The following PDZD2 variants were observed in gnomAD, a reference collection of about 807,000 sequenced individuals.
PDZD2 encodes PDZ domain containing 2.
Under a neutral mutation model 220.7 loss-of-function variants are expected in PDZD2, and 90 were observed. The observed-to-expected ratio is 0.41, with a 90% CI of 0.34 to 0.49. The LOEUF (loss-of-function observed/expected upper bound fraction) is 0.49, where lower values mean the gene tolerates loss of function less well. PDZD2 is among the 20% of genes least tolerant of loss of function. The pLI, the probability that PDZD2 is intolerant of heterozygous loss-of-function variation, is 0.28. For synonymous variants in PDZD2, 1,375 were observed against 1,450.5 expected, an observed-to-expected ratio of 0.95 and a Z score of 1.18; for missense variants, 3,174 against 3,608.5, an observed-to-expected ratio of 0.88 and a Z score of 3.08.
At chr5:31,917,805 C>T (rs760603555) in intron 2 of PDZD2, among the ~76,000 whole-genome samples, 7 of 152,080 alleles carry the variant, frequency 4.6e-5, no homozygotes, top group Non-Finnish European at 1.0e-4. Flanking sequence ...TGCAATGGCG[C>T]GATCTCGGCT....
At chr5:31,727,455 C>T (rs938412291) in intron 1 of PDZD2, among the ~76,000 whole-genome samples, 1 of 152,100 alleles carries the variant, frequency 6.6e-6, no homozygotes, top group Non-Finnish European at 1.5e-5. Flanking sequence ...GCCTGTAATC[C>T]CAGCACTTTG....
intron 2 of PDZD2, among the ~76,000 whole-genome samples, chr5:31,958,864 G>A (rs1273514337): frequency 6.6e-6 from 1 of 152,138 alleles, no homozygotes. Flanking sequence ...CTGACCTCAA[G>A]CGATCCTCCT....
rs764683482 is a variant in PDZD2 at position 32,090,154 on chromosome 5, G to A, written c.6706G>A (p.Glu2236Lys). 7 of 1,613,910 alleles carry A rather than the reference G, an allele frequency of 4.3e-6. No homozygotes were observed. In the African/African-American group the frequency reaches 8.0e-5, roughly 18 times the overall value. Residue 2236 changes from glutamate (E) to lysine (K), a missense_variant, in exon 20 of 25, where the codon GAG (glutamate) becomes AAG (lysine). This residue lies in a region of PDZD2 where 631 missense variants were observed against 789.9 expected (regional missense o/e 0.80). Transcript: ENST00000438447. This position sits in a 1 kb window ranked among gnomAD's most constrained non-coding sequence, Gnocchi z 4.3. ...CCAGTTCTCAAGCCATTTTGGACGGGAGGGTCACCCCCCACACAGCCTGGG... is the reference window on the plus strand; with the variant it reads ...CCAGTTCTCAAGCCATTTTGGACGGAAGGGTCACCCCCCACACAGCCTGGG... ...PAQFSSHFGREGHPPHSLGRS... is the reference protein window; with the variant it reads ...PAQFSSHFGRKGHPPHSLGRS...
intron 2 of PDZD2, among the ~76,000 whole-genome samples, chr5:31,865,199 G>A (rs894195661): frequency 2.0e-4 from 30 of 152,230 alleles, no homozygotes; most frequent in African/African-American, 7.0e-4. Flanking sequence ...AATAGATTAT[G>A]AGTCCTGGGG....
chr5:32,010,024 T>C (rs1581267751), intron 5 of PDZD2, among the ~76,000 whole-genome samples: 1 of 145,630 alleles, frequency 6.9e-6, no homozygotes, highest in Non-Finnish European at 1.5e-5. Flanking sequence ...GAGGCGGAGG[T>C]TGCAATGAGC....
intron 1 of PDZD2, among the ~76,000 whole-genome samples, chr5:31,665,498 A>G (rs1745946603): frequency 6.6e-6 from 1 of 152,070 alleles, no homozygotes; most frequent in Admixed American, 6.6e-5. Context: ...CCCAAATCTC[A>G]TCTCAAATCG....
chr5:31,917,685 T>A (rs1345218878), intron 2 of PDZD2, among the ~76,000 whole-genome samples: 1 of 152,168 alleles, frequency 6.6e-6, no homozygotes, highest in Non-Finnish European at 1.5e-5. Flanking sequence ...GGGTAATTTA[T>A]AAAGAAAAGA....
intron 5 of PDZD2, 147 bp from the exon 6 acceptor site, chr5:32,010,183 C>T (rs1008806029): frequency 5.0e-6 from 3 of 596,196 alleles, no homozygotes; most frequent in Non-Finnish European, 9.0e-6. Context: ...CACCCCTGGC[C>T]TTTGAGGTAA....
intron 2 of PDZD2, among the ~76,000 whole-genome samples, chr5:31,891,402 G>T (rs910302391): frequency 6.6e-6 from 1 of 151,746 alleles, no homozygotes; most frequent in Non-Finnish European, 1.5e-5. Context: ...CCGCAACTTC[G>T]CCTCCCAGGT....
rs1390123882 is a variant in PDZD2 at position 31,761,168 on chromosome 5, C to T, written c.-360-37721C>T. Among the ~76,000 whole-genome samples, 5 of 151,934 alleles carry T rather than the reference C, an allele frequency of 3.3e-5. No homozygotes were observed. The East Asian group carries it at 5.8e-4, about 18-fold the overall frequency. The stretch of plus-strand genomic sequence containing the variant: ...AATATCAGGATGGAAAATTCAAATG[C>T]GATGTTGTAGGTTCTTCATTTAGGG... On this transcript the variant is annotated intron_variant, in intron 1 of 24. Coordinates refer to ENST00000438447, the MANE Select transcript of PDZD2 (RefSeq NM_178140.4).
intron 2 of PDZD2, among the ~76,000 whole-genome samples, chr5:31,825,777 C>G (rs934041991): frequency 4.6e-5 from 7 of 152,292 alleles, no homozygotes; most frequent in African/African-American, 1.7e-4. Flanking sequence ...TTACCATTTC[C>G]TGAGTACCAA....
In PDZD2 at chr5:32,069,635, T is replaced by C. The variant is rs137951229; in HGVS notation, c.2518T>C (p.Ser840Pro). The change falls in exon 15 of 25, where the codon TCC (serine) becomes CCC (proline). Residue 840 changes from serine to proline, a missense_variant. By Grantham distance (74) the Ser-to-Pro change is moderately conservative (BLOSUM62 -1). This residue lies in a region of PDZD2 where 1,861 missense variants were observed against 2,001.0 expected (regional missense o/e 0.93). Coordinates refer to ENST00000438447, the MANE Select transcript of PDZD2 (RefSeq NM_178140.4). ...STYQESKEANSSPGLGTPLKS... is the reference protein window; with the variant it reads ...STYQESKEANPSPGLGTPLKS... ...TTATCAGGAGAGCAAAGAGGCCAAT[T>C]CCTCTCCTGGCTTAGGTACTGTAAT... is the stretch of plus-strand genomic sequence containing the variant. 1.3e-4 allele frequency: 208 copies of C among 1,541,142 alleles called. No homozygotes were observed. Among genetic ancestry groups the C allele is most frequent in the Non-Finnish European group, 1.8e-4 (199 of 1,113,354 alleles).
At chr5:31,858,801 C>T (rs2150309440) in intron 2 of PDZD2, among the ~76,000 whole-genome samples, 1 of 152,124 alleles carries the variant, frequency 6.6e-6, no homozygotes, top group South Asian at 2.1e-4. Flanking sequence ...TCACTGCAAC[C>T]TCTGCCTCCC....
chr5:31,883,614 C>G (rs1740147301), intron 2 of PDZD2, among the ~76,000 whole-genome samples: 1 of 132,068 alleles, frequency 7.6e-6, no homozygotes, highest in South Asian at 2.5e-4. Context: ...AACCAATCCT[C>G]TGTAATTTTT....
chr5:31,984,015 G>A (rs1208050628), intron 3 of PDZD2, among the ~76,000 whole-genome samples: 1 of 152,134 alleles, frequency 6.6e-6, no homozygotes, highest in African/African-American at 2.4e-5. Flanking sequence ...GTTATTTATC[G>A]CTGCTGTCAC....
chr5:32,077,202 G>C (rs16889405), intron 18 of PDZD2, among the ~76,000 whole-genome samples: 4,390 of 151,990 alleles, frequency 0.029, 200 homozygotes, highest in African/African-American at 0.1. Context: ...TCATTTAATC[G>C]TCTTCTTTTA....
At chr5:31,896,057 A>G (rs1321500187) in intron 2 of PDZD2, among the ~76,000 whole-genome samples, 1 of 152,202 alleles carries the variant, frequency 6.6e-6, no homozygotes, top group East Asian at 1.9e-4. Context: ...CCAAGGACAC[A>G]GACTTGGGAA....
intron 2 of PDZD2, among the ~76,000 whole-genome samples, chr5:31,929,823 G>A (rs979838564): frequency 3.3e-5 from 5 of 152,160 alleles, no homozygotes; most frequent in African/African-American, 1.2e-4. Context: ...TAGTTTGCAT[G>A]TTTGTCCCCT....
At position 32,089,523 on chromosome 5, in the gene PDZD2, G is replaced by C. The variant is rs1190009784; in HGVS notation, c.6075G>C (p.Glu2025Asp). Residue 2025 changes from glutamate to aspartate, a missense_variant, in exon 20 of 25, where the codon GAG (glutamate) becomes GAC (aspartate). Physicochemically the swap from Glu to Asp is conservative, Grantham distance 45 (BLOSUM62 2). Coordinates refer to ENST00000438447, the MANE Select transcript of PDZD2 (RefSeq NM_178140.4). The part of the protein sequence containing the change: ...TTPKSPKCRA[E>D]GRAPRADSGP... The stretch of plus-strand genomic sequence containing the variant: ...CTAAATCTCCTAAGTGTAGAGCAGA[G>C]GGCAGGGCGCCCCGTGCTGACTCCG... The C allele has an allele frequency of 6.2e-7, 1 of 1,612,418 alleles. No individual in the cohort carries two copies. The highest frequency in any genetic ancestry group is 1.3e-5 in the African/African-American group (1 of 74,930).
Sources: gnomAD v4.1 joint callset for allele counts (sites outside exome capture counted in the v4.1 genomes callset) on GRCh38, gnomAD v4.1.1 for gene constraint, gnomAD v4.1.1 regional missense constraint, Gnocchi (gnomAD v3.1) non-coding constraint, MANE v1.5 for transcripts, NCBI Gene and HGNC (gene_info 2026-07-23, HGNC 2026-07-21) for gene names.